Variants in EDA observed in about 807,000 individuals in gnomAD.
The protein encoded by EDA is ectodysplasin-A.
EDA carries 2 observed loss-of-function variants against 23.6 expected under a neutral mutation model. The ratio of observed to expected loss-of-function variants is 0.08; its 90% CI spans 0.03 to 0.27. The LOEUF (loss-of-function observed/expected upper bound fraction) is 0.27, where lower values mean the gene tolerates loss of function less well. EDA is among the 10% of genes least tolerant of loss of function. The pLI is 1.00. For missense variants in EDA, 229 were observed against 324.2 expected, an observed-to-expected ratio of 0.71 and a Z score of 2.26; for synonymous variants, 131 against 132.0, an observed-to-expected ratio of 0.99 and a Z score of 0.05.
intron 1 of EDA, among the ~76,000 whole-genome samples, chrX:69,676,956 C>G: frequency 1.0e-5 from 1 of 96,046 alleles, no homozygotes; most frequent in South Asian, 6.2e-4. Flanking sequence ...TTAGGTATAT[C>G]TCCCAATGCT....
chrX:69,836,811 G>T (rs145033121), intron 1 of EDA, among the ~76,000 whole-genome samples: 8,416 of 111,296 alleles, frequency 0.076, 253 homozygotes, highest in Middle Eastern at 0.096. Flanking sequence ...CCCATCTTCT[G>T]CTTCGCTCAC....
At chrX:69,980,377 T>A (rs2019387730) in intron 2 of EDA, among the ~76,000 whole-genome samples, 1 of 112,134 alleles carries the variant, frequency 8.9e-6, no homozygotes, top group Admixed American at 9.5e-5. Context: ...AGAGATCTAC[T>A]ATAGTAAGTA....
chrX:69,641,717 C>CT (rs1932840838), intron 1 of EDA, among the ~76,000 whole-genome samples: 1 of 111,546 alleles, frequency 9.0e-6, no homozygotes, highest in Non-Finnish European at 1.9e-5. Flanking sequence ...GAAGGACAGG[C>CT]TGTTGCTTGG....
chrX:69,694,222 C>A (rs1371786477), intron 1 of EDA, among the ~76,000 whole-genome samples: 1 of 111,714 alleles, frequency 9.0e-6, no homozygotes, highest in Non-Finnish European at 1.9e-5. Context: ...AATTTATATT[C>A]TTTTAAATAT....
chrX:69,758,352 G>A (rs1039951229), intron 1 of EDA, among the ~76,000 whole-genome samples: 2 of 112,054 alleles, frequency 1.8e-5, no homozygotes, highest in Middle Eastern at 9.2e-3. Context: ...CTCTAATAGT[G>A]TGGACTAGAT....
At chrX:69,801,916 A>G (rs944118995) in intron 1 of EDA, among the ~76,000 whole-genome samples, 1 of 111,690 alleles carries the variant, frequency 9.0e-6, no homozygotes, top group Admixed American at 9.6e-5. Flanking sequence ...GTAAATAGTT[A>G]CAACCACTTT....
At chrX:69,989,881 A>AGTATTCGT (rs1364640285) in intron 2 of EDA, among the ~76,000 whole-genome samples, 2 of 107,196 alleles carry the variant, frequency 1.9e-5, no homozygotes, top group Non-Finnish European at 3.9e-5. Flanking sequence ...CAAAAGATCT[A>AGTATTCGT]GTATTCGTAT....
intron 1 of EDA, among the ~76,000 whole-genome samples, chrX:69,782,924 A>T (rs964987662): frequency 8.9e-6 from 1 of 112,137 alleles, no homozygotes; most frequent in Non-Finnish European, 1.9e-5. Flanking sequence ...CTGCAGGATT[A>T]CTACTTGTAT....
chrX:69,972,464 G>A (rs1288342767), intron 2 of EDA, among the ~76,000 whole-genome samples: 3 of 111,691 alleles, frequency 2.7e-5, no homozygotes, highest in East Asian at 2.8e-4. Context: ...AATAACATTT[G>A]TTCCAGTTTT....
At chrX:70,023,098 G>T in intron 2 of EDA, 120 bp from the exon 3 acceptor site, 1 of 410,766 alleles carries the variant, frequency 2.4e-6, no homozygotes, top group Non-Finnish European at 4.2e-6. Context: ...CCTGACCCTT[G>T]GCTGTGAGAC....
rs187422056 is a variant in EDA, at chrX:69,898,338, C to T, written c.397-58689C>T. Among the ~76,000 whole-genome samples, 16 of 111,088 alleles carry T rather than the reference C, an allele frequency of 1.4e-4. No homozygotes were observed. In the South Asian group the frequency reaches 6.1e-3, roughly 42 times the overall value. Reference sequence around the variant, plus strand: ...CTGTAATCCCAACACTTTGGGAGGCCGAAGCAGGTGGCTCATTTGAGGTCA... The same window carrying T: ...CTGTAATCCCAACACTTTGGGAGGCTGAAGCAGGTGGCTCATTTGAGGTCA... On this transcript the variant is annotated intron_variant, in intron 1 of 7. Transcript: ENST00000374552.
chrX:69,771,494 T>G (rs1164914124), intron 1 of EDA, among the ~76,000 whole-genome samples: 1 of 111,481 alleles, frequency 9.0e-6, no homozygotes, highest in African/African-American at 3.3e-5. Flanking sequence ...AAAGACAAAA[T>G]TTAAATTAGT....
At chrX:69,838,241 C>G (rs1280972663) in intron 1 of EDA, among the ~76,000 whole-genome samples, 1 of 112,944 alleles carries the variant, frequency 8.9e-6, no homozygotes, top group Non-Finnish European at 1.9e-5. Context: ...GCTTAGTTGC[C>G]TTTGAAAGAG....
intron 1 of EDA, among the ~76,000 whole-genome samples, chrX:69,825,795 T>C (rs1316781473): frequency 9.0e-6 from 1 of 111,444 alleles, no homozygotes; most frequent in African/African-American, 3.3e-5. Flanking sequence ...GATGTTAGGG[T>C]GTCAATTCTG....
intron 1 of EDA, among the ~76,000 whole-genome samples, chrX:69,773,570 C>T (rs2014696646): frequency 9.0e-6 from 1 of 111,533 alleles, no homozygotes; most frequent in Non-Finnish European, 1.9e-5. Flanking sequence ...CTTGCCAACA[C>T]TTGTTATTTT....
chrX:69,777,947 T>TA lies in EDA; in HGVS notation c.396+161244dup, dbSNP rs781219615. On this transcript the variant is annotated intron_variant, in intron 1 of 7. Coordinates refer to ENST00000374552, the MANE Select transcript of EDA (RefSeq NM_001399.5). ...AGAGAATGAATTCTACATGCACCTC[T>TA]AGTAGACAGGGATTCTTGTAGATAG... 4.1e-3 allele frequency among the ~76,000 whole-genome samples: 456 copies of TA among 111,766 alleles called. 3 individuals are homozygous for TA. Among genetic ancestry groups the TA allele is most frequent in the Non-Finnish European group, 6.8e-3 (362 of 53,021 alleles).
At chrX:69,881,516 C>T (rs1293252312) in intron 1 of EDA, among the ~76,000 whole-genome samples, 1 of 111,511 alleles carries the variant, frequency 9.0e-6, no homozygotes, top group East Asian at 2.8e-4. Context: ...ACAGGACTCC[C>T]TCCTTAGCCC....
intron 1 of EDA, among the ~76,000 whole-genome samples, chrX:69,935,508 A>G (rs2018659409): frequency 9.0e-6 from 1 of 111,613 alleles, no homozygotes; most frequent in Non-Finnish European, 1.9e-5. Flanking sequence ...TTATTTACAA[A>G]AGCTTTAAAA....
At chrX:69,654,860 A>C (rs1933249668) in intron 1 of EDA, among the ~76,000 whole-genome samples, 1 of 108,724 alleles carries the variant, frequency 9.2e-6, no homozygotes, top group African/African-American at 3.4e-5. Flanking sequence ...TGATGAGTTA[A>C]TGGGTGCAGC....
Sources: allele counts gnomAD v4.1 joint callset (sites outside exome capture counted in the v4.1 genomes callset), GRCh38; gene constraint gnomAD v4.1.1; transcripts MANE v1.5; gene names NCBI Gene and HGNC (gene_info 2026-07-23, HGNC 2026-07-21).